Variants in WDR37 observed in about 807,000 individuals in gnomAD.
WDR37 encodes WD repeat domain 37.
WDR37 carries 19 observed loss-of-function variants against 62.9 expected under a neutral mutation model. The observed-to-expected ratio is 0.30, with a 90% CI of 0.21 to 0.44. The LOEUF is 0.44. Among genes scored for constraint, WDR37 ranks in the 20% least tolerant of loss-of-function variants. The pLI is 1.00. For synonymous variants in WDR37, 250 were observed against 260.9 expected, an observed-to-expected ratio of 0.96 and a Z score of 0.40; for missense variants, 474 against 657.6, an observed-to-expected ratio of 0.72 and a Z score of 3.05.
chr10:1,068,309 G>A (rs566324611), intron 1 of WDR37, among the ~76,000 whole-genome samples: 69 of 149,564 alleles, frequency 4.6e-4, no homozygotes, highest in Non-Finnish European at 2.2e-4. Context: ...GTGAAACCCC[G>A]TCTCTACTAA....
chr10:1,092,245 G>A (rs879808363), intron 7 of WDR37, among the ~76,000 whole-genome samples: 21 of 151,094 alleles, frequency 1.4e-4, no homozygotes, highest in Non-Finnish European at 2.1e-4. Context: ...GGTGGCTCAC[G>A]CCTGTAATCC....
intron 1 of WDR37, among the ~76,000 whole-genome samples, chr10:1,059,867 A>G (rs1004392476): frequency 6.6e-6 from 1 of 152,156 alleles, no homozygotes; most frequent in Non-Finnish European, 1.5e-5. Flanking sequence ...GCTGTTTAAT[A>G]TTACAGCATT....
chr10:1,109,998 C>T (rs1035960931), intron 11 of WDR37, among the ~76,000 whole-genome samples: 2 of 152,152 alleles, frequency 1.3e-5, no homozygotes, highest in Non-Finnish European at 2.9e-5. Flanking sequence ...ACCTGAACCA[C>T]GGGGGTGAGG....
chr10:1,124,824 G>A, intron 12 of WDR37, 86 bp from the exon 13 acceptor site: 1 of 1,518,828 alleles, frequency 6.6e-7, no homozygotes, highest in South Asian at 1.2e-5. Flanking sequence ...TGAATAATAT[G>A]GAACCTCCTG....
Position 1,089,721 on chromosome 10 carries a change from A to G in WDR37, c.604+3364A>G, listed in dbSNP as rs117286644. Among the ~76,000 whole-genome samples the G allele has an allele frequency of 3.1e-3, 332 of 105,864 alleles. 1 individual carries two copies. The highest frequency in any genetic ancestry group is 8.2e-3 in the African/African-American group (287 of 35,040). 69.5% of individuals were successfully genotyped at this position (105,864 alleles called of 152,430 possible). A position where few individuals can be genotyped will look rare whatever the true frequency, so the allele number is the denominator to read the frequency against. ...CCTTCCCGTGCTCACCCGCAATTCA[A>G]CCTTCCTGTGTTCACTCACTCACCG... On this transcript the variant is annotated intron_variant, in intron 7 of 13. Transcript: ENST00000263150.
chr10:1,097,080 G>A (rs1834609911), intron 9 of WDR37, among the ~76,000 whole-genome samples: 1 of 152,194 alleles, frequency 6.6e-6, no homozygotes, highest in Non-Finnish European at 1.5e-5. Context: ...AAATGTTAAA[G>A]GTGCAGCCTG....
chr10:1,106,344 C>T (rs1835020718), intron 11 of WDR37, among the ~76,000 whole-genome samples: 1 of 152,190 alleles, frequency 6.6e-6, no homozygotes, highest in Admixed American at 6.5e-5. Context: ...CCCTACCTCC[C>T]ACCAGTGCTG....
intron 13 of WDR37, among the ~76,000 whole-genome samples, chr10:1,127,609 G>C (rs1028350951): frequency 6.6e-6 from 1 of 152,228 alleles, no homozygotes; most frequent in African/African-American, 2.4e-5. Flanking sequence ...CCCAGCATGA[G>C]TTTTGGGAAA....
intron 7 of WDR37, among the ~76,000 whole-genome samples, chr10:1,093,191 T>C (rs1834459648): frequency 6.6e-6 from 1 of 152,246 alleles, no homozygotes; most frequent in African/African-American, 2.4e-5. Context: ...ATGACATCTT[T>C]GTCTATAAAA....
chr10:1,076,354 G>C (rs1314327292), intron 2 of WDR37, among the ~76,000 whole-genome samples: 5 of 152,034 alleles, frequency 3.3e-5, no homozygotes, highest in African/African-American at 4.8e-5. Context: ...GATCTCAGAA[G>C]GATTTAATAA....
At chr10:1,092,546 AT>A (rs1207377994) in intron 7 of WDR37, among the ~76,000 whole-genome samples, 1 of 151,448 alleles carries the variant, frequency 6.6e-6, no homozygotes, top group Non-Finnish European at 1.5e-5. Context: ...AATTTTTTGT[AT>A]TTTTAGTAGA....
intron 11 of WDR37, among the ~76,000 whole-genome samples, chr10:1,107,770 C>T (rs1360785774): frequency 6.6e-6 from 1 of 151,164 alleles, no homozygotes; most frequent in Non-Finnish European, 1.5e-5. Flanking sequence ...CACGCACTAC[C>T]CTGTCACCTA....
At chr10:1,068,634 CTGA>C (rs966097461) in intron 1 of WDR37, among the ~76,000 whole-genome samples, 3 of 151,864 alleles carry the variant, frequency 2.0e-5, no homozygotes, top group Non-Finnish European at 4.4e-5. Flanking sequence ...TCATGTGTTC[CTGA>C]TGATAATGTA....
intron 13 of WDR37, among the ~76,000 whole-genome samples, chr10:1,125,501 T>C (rs1264653315): frequency 6.6e-6 from 1 of 152,226 alleles, no homozygotes; most frequent in Non-Finnish European, 1.5e-5. Flanking sequence ...TGAGCCACCG[T>C]GCCCAGCCCA....
intron 8 of WDR37, among the ~76,000 whole-genome samples, chr10:1,094,463 T>C (rs909821679): frequency 4.6e-5 from 7 of 152,218 alleles, no homozygotes; most frequent in Non-Finnish European, 7.3e-5. Context: ...GGTTGGAGTT[T>C]CTATGTGAGA....
rs1442552769 is a variant in WDR37 at position 1,056,510 on chromosome 10, C to A, written c.-499C>A. The A allele has an allele frequency of 6.6e-6, 1 of 152,146 alleles. No individual in the cohort carries two copies. The highest frequency in any genetic ancestry group is 1.5e-5 in the Non-Finnish European group (1 of 68,048). 9.4% of individuals were successfully genotyped at this position (152,146 alleles called of 1,614,324 possible). A position where few individuals can be genotyped will look rare whatever the true frequency, so the allele number is the denominator to read the frequency against. On this transcript the variant is annotated 5_prime_UTR_variant, in exon 1 of 14. Transcript: ENST00000263150. The stretch of plus-strand genomic sequence containing the variant: ...GGCGGACCGCGCCCCGGGCTCGCAG[C>A]CCTCCCGCCCCGGCTGCCGGGCTAC...
chr10:1,061,911 G>A (rs1049250612), intron 1 of WDR37, among the ~76,000 whole-genome samples: 3 of 151,856 alleles, frequency 2.0e-5, no homozygotes, highest in African/African-American at 7.3e-5. Flanking sequence ...TTTGAGTTTA[G>A]CCTTGGGTCC....
intron 7 of WDR37, among the ~76,000 whole-genome samples, chr10:1,089,944 C>T (rs113517297): frequency 4.6e-5 from 7 of 152,044 alleles, no homozygotes; most frequent in African/African-American, 1.4e-4. Flanking sequence ...CTCCTGGGGA[C>T]TTGTGTTTGT....
At chr10:1,077,315 C>T (rs1052657270) in intron 2 of WDR37, among the ~76,000 whole-genome samples, 20 of 152,190 alleles carry the variant, frequency 1.3e-4, no homozygotes, top group Admixed American at 1.2e-3. Context: ...AGAGCGTGGC[C>T]TGGGCAGGAA....
Sources: gnomAD v4.1 joint callset for allele counts (sites outside exome capture counted in the v4.1 genomes callset) on GRCh38, gnomAD v4.1.1 for gene constraint, MANE v1.5 for transcripts, NCBI Gene and HGNC (gene_info 2026-07-23, HGNC 2026-07-21) for gene names.